Variants in TENM3 observed in about 807,000 individuals in gnomAD.
TENM3 encodes teneurin-3.
TENM3 carries 63 observed loss-of-function variants against 255.1 expected under a neutral mutation model. That is an observed-to-expected ratio of 0.25 (90% confidence interval 0.20 to 0.30). TENM3 has a LOEUF of 0.30. Ranked by LOEUF, TENM3 falls within the 10% of genes least tolerant of loss-of-function variation. The probability of loss-of-function intolerance (pLI) is 1.00; values close to 1 mark genes in which losing one functional copy is unlikely to be tolerated. For synonymous variants in TENM3, 1,306 were observed against 1,322.3 expected (o/e 0.99, Z 0.27); for missense variants, 2,929 against 3,461.1 (o/e 0.85, Z 3.86).
At chr4:181,500,676 G>GT in the TENM3 span, among the ~76,000 whole-genome samples, 1 of 152,160 alleles carries the variant, frequency 6.6e-6, no homozygotes, top group South Asian at 2.1e-4. Flanking sequence ...GCGCTCAAAG[G>GT]TATCATATTC....
the TENM3 span, among the ~76,000 whole-genome samples, chr4:181,506,689 G>A: frequency 6.6e-6 from 1 of 151,590 alleles, no homozygotes; most frequent in Non-Finnish European, 1.5e-5. Flanking sequence ...GGGATTGAAG[G>A]ACCATGATGA....
chr4:181,894,659 T>C, the TENM3 span, among the ~76,000 whole-genome samples: 12 of 152,080 alleles, frequency 7.9e-5, no homozygotes, highest in African/African-American at 2.9e-4. Flanking sequence ...ATTTGATGTC[T>C]TGTAAATGGT....
At chr4:181,700,788 A>C in the TENM3 span, among the ~76,000 whole-genome samples, 1 of 152,218 alleles carries the variant, frequency 6.6e-6, no homozygotes, top group Non-Finnish European at 1.5e-5. Flanking sequence ...TAAAGAAGAA[A>C]GGTATCAGGA....
At chr4:182,480,811 C>A (rs776070682) in intron 3 of TENM3, among the ~76,000 whole-genome samples, 10 of 151,926 alleles carry the variant, frequency 6.6e-5, no homozygotes, top group Non-Finnish European at 1.0e-4. Context: ...TATGAATTTT[C>A]TGTCAATGAC....
chr4:182,432,849 G>GTGTGTGTGTGTGTGTGTGTGTGT lies in TENM3; in HGVS notation c.511+85920_511+85921insTGTGTGTGTGTGTGTGTGTGTGT, dbSNP rs1554066038. Among the ~76,000 whole-genome samples, 1,139 of 143,066 alleles carry GTGTGTGTGTGTGTGTGTGTGTGT rather than the reference G, an allele frequency of 8.0e-3. 18 individuals carry two copies. The highest frequency in any genetic ancestry group is 0.011 in the Middle Eastern group (3 of 278). The allele number at this position is 143,066 out of a possible 152,430, so 93.9% of individuals were successfully genotyped here. A position where few individuals can be genotyped will look rare whatever the true frequency, so the allele number is the denominator to read the frequency against. On this transcript the variant is annotated intron_variant, in intron 3 of 27. Coordinates refer to ENST00000511685, the MANE Select transcript of TENM3 (RefSeq NM_001080477.4). Reference sequence around the variant, plus strand: ...AATTTTTCATCAGGGAATGGATTTGGGTGTGTGTGTGTGTGTTTTAGTAGA... The same window carrying GTGTGTGTGTGTGTGTGTGTGTGT: ...AATTTTTCATCAGGGAATGGATTTGGTGTGTGTGTGTGTGTGTGTGTGTGTGTGTGTGTGTGTGTTTTAGTAGA...
the TENM3 span, among the ~76,000 whole-genome samples, chr4:181,904,291 C>G: frequency 6.6e-6 from 1 of 152,094 alleles, no homozygotes; most frequent in African/African-American, 2.4e-5. Context: ...TCTTTCTTCC[C>G]CAGAGCCTAT....
chr4:182,372,585 T>C (rs1034394553), intron 3 of TENM3, among the ~76,000 whole-genome samples: 4 of 152,150 alleles, frequency 2.6e-5, no homozygotes. Flanking sequence ...ATAAGAGTAA[T>C]GATAAATACC....
At chr4:181,736,554 A>T in the TENM3 span, among the ~76,000 whole-genome samples, 1 of 151,968 alleles carries the variant, frequency 6.6e-6, no homozygotes, top group Non-Finnish European at 1.5e-5. Context: ...ACTGTTCAAA[A>T]AATTTTCCTG....
intron 1 of TENM3, among the ~76,000 whole-genome samples, chr4:182,317,388 A>G (rs1048657107): frequency 6.6e-6 from 1 of 151,920 alleles, no homozygotes; most frequent in Non-Finnish European, 1.5e-5. Context: ...CAGCCTCCAC[A>G]TCCTAGCCTC....
chr4:181,682,840 G>GT, the TENM3 span, among the ~76,000 whole-genome samples: 1 of 152,028 alleles, frequency 6.6e-6, no homozygotes, highest in South Asian at 2.1e-4. Flanking sequence ...TGGAATTCAT[G>GT]TTACGGTCAG....
intron 1 of TENM3, among the ~76,000 whole-genome samples, chr4:182,194,240 T>C (rs1753702118): frequency 6.6e-6 from 1 of 151,844 alleles, no homozygotes; most frequent in Non-Finnish European, 1.5e-5. Flanking sequence ...TCCGAGCTGC[T>C]TTTTGTCCTC....
At chr4:182,474,896 C>A (rs1484382896) in intron 3 of TENM3, among the ~76,000 whole-genome samples, 3 of 152,072 alleles carry the variant, frequency 2.0e-5, no homozygotes, top group Admixed American at 1.3e-4. Flanking sequence ...ATTATCGCTG[C>A]TCCCTAATGC....
At chr4:181,688,486 T>G in the TENM3 span, among the ~76,000 whole-genome samples, 1 of 141,990 alleles carries the variant, frequency 7.0e-6, no homozygotes, top group African/African-American at 2.6e-5. Flanking sequence ...TGCTCTAGTC[T>G]GTGGTTAAAA....
At chr4:181,500,591 T>A in the TENM3 span, among the ~76,000 whole-genome samples, 37,481 of 152,044 alleles carry the variant, frequency 0.25, 4,745 homozygotes, top group African/African-American at 0.27. Flanking sequence ...TGTTTATTGT[T>A]TATTACTGAA....
the TENM3 span, among the ~76,000 whole-genome samples, chr4:181,610,731 GCTTTT>G: frequency 0.019 from 2,905 of 152,060 alleles, 46 homozygotes; most frequent in Middle Eastern, 0.061. Context: ...TCTGTGTGTG[GCTTTT>G]CTTTAATAAC....
intron 1 of TENM3, among the ~76,000 whole-genome samples, chr4:182,284,049 C>T (rs1055816086): frequency 1.3e-5 from 2 of 152,102 alleles, no homozygotes; most frequent in African/African-American, 4.8e-5. Context: ...TGGCTTTTAC[C>T]TTTTAAGAAC....
At chr4:181,578,817 C>T in the TENM3 span, among the ~76,000 whole-genome samples, 3 of 152,134 alleles carry the variant, frequency 2.0e-5, no homozygotes, top group African/African-American at 7.2e-5. Flanking sequence ...TGGATTAACT[C>T]ATTATGCCTC....
the TENM3 span, among the ~76,000 whole-genome samples, chr4:181,736,511 T>C: frequency 2.0e-5 from 3 of 151,882 alleles, no homozygotes; most frequent in Admixed American, 2.0e-4. Flanking sequence ...TAATATATAC[T>C]AACGTGGCTG....
chr4:182,304,220 T>A (rs917798423), intron 1 of TENM3, among the ~76,000 whole-genome samples: 28 of 148,862 alleles, frequency 1.9e-4, no homozygotes, highest in Non-Finnish European at 3.9e-4. Context: ...TTTCAAGAAA[T>A]TTTTTTTTTT....
Sources: allele counts gnomAD v4.1 joint callset (sites outside exome capture counted in the v4.1 genomes callset), GRCh38; gene constraint gnomAD v4.1.1; transcripts MANE v1.5; gene names NCBI Gene and HGNC (gene_info 2026-07-23, HGNC 2026-07-21).